BRAF: variants seen among roughly 807,000 people sequenced by gnomAD.
BRAF encodes the protein serine/threonine-protein kinase B-raf.
BRAF carries 16 observed loss-of-function variants against 104.6 expected under a neutral mutation model. The ratio of observed to expected loss-of-function variants is 0.15; its 90% CI spans 0.10 to 0.23. BRAF has a LOEUF of 0.23. BRAF is among the 10% of genes least tolerant of loss of function. BRAF has a pLI of 1.00. For missense variants in BRAF, 541 were observed against 937.3 expected, an observed-to-expected ratio of 0.58 and a Z score of 5.52; for synonymous variants, 310 against 341.6, an observed-to-expected ratio of 0.91 and a Z score of 1.02.
chr7:140,717,743 A>T (rs865883657), downstream of BRAF, among the ~76,000 whole-genome samples: 36 of 152,264 alleles, frequency 2.4e-4, 1 homozygote, highest in Middle Eastern at 0.017. Flanking sequence ...CCTCACATAT[A>T]TGGTATAGTA....
At chr7:140,895,191 A>G (rs1814740497) in intron 1 of BRAF, among the ~76,000 whole-genome samples, 1 of 152,222 alleles carries the variant, frequency 6.6e-6, no homozygotes, top group East Asian at 1.9e-4. Flanking sequence ...CAATACAATT[A>G]CTTACCTAAA....
intron 1 of BRAF, among the ~76,000 whole-genome samples, chr7:140,865,528 T>C (rs926169946): frequency 6.6e-6 from 1 of 152,224 alleles, no homozygotes; most frequent in African/African-American, 2.4e-5. Context: ...CAGGCCCATA[T>C]GATGAAAAGA....
intron 3 of BRAF, among the ~76,000 whole-genome samples, chr7:140,810,463 A>C (rs1296126276): frequency 6.6e-6 from 1 of 152,144 alleles, no homozygotes; most frequent in Non-Finnish European, 1.5e-5. Flanking sequence ...CCAGCTACTC[A>C]GGTGGCTGAG....
chr7:140,715,813 G>A (rs1392383833), downstream of BRAF, among the ~76,000 whole-genome samples: 1 of 152,178 alleles, frequency 6.6e-6, no homozygotes, highest in Non-Finnish European at 1.5e-5. Context: ...CTTACTATGG[G>A]CCAGGCACTG....
At chr7:140,865,722 C>T (rs565259613) in intron 1 of BRAF, among the ~76,000 whole-genome samples, 268 of 152,246 alleles carry the variant, frequency 1.8e-3, no homozygotes, top group Non-Finnish European at 3.1e-3. Flanking sequence ...AAGGAAAAGG[C>T]TGATGATTTA....
At chr7:140,781,285 C>G (rs1287262940) in intron 12 of BRAF, 1 of 398,010 alleles carries the variant, frequency 2.5e-6, no homozygotes, top group Non-Finnish European at 4.7e-6. Flanking sequence ...ATAAAATTAT[C>G]AGCTGAAAGA....
intron 14 of BRAF, among the ~76,000 whole-genome samples, chr7:140,768,901 A>G (rs1204243776): frequency 6.6e-6 from 1 of 151,942 alleles, no homozygotes; most frequent in African/African-American, 2.4e-5. Flanking sequence ...CTGCTTCTCC[A>G]CCATGTTACC....
intron 1 of BRAF, among the ~76,000 whole-genome samples, chr7:140,866,747 G>A (rs1237298778): frequency 1.3e-5 from 2 of 151,962 alleles, no homozygotes; most frequent in Non-Finnish European, 2.9e-5. Flanking sequence ...ATGACCTAGT[G>A]TAAGTAATGA....
At chr7:140,836,953 A>C (rs1807405786) in intron 2 of BRAF, among the ~76,000 whole-genome samples, 1 of 152,346 alleles carries the variant, frequency 6.6e-6, no homozygotes, top group South Asian at 2.1e-4. Flanking sequence ...ACAATTTTCC[A>C]AACATATTTC....
At chr7:140,735,169 A>C (rs1796303165) in intron 18 of BRAF, among the ~76,000 whole-genome samples, 1 of 152,250 alleles carries the variant, frequency 6.6e-6, no homozygotes, top group Admixed American at 6.5e-5. Context: ...AAATAAGTAA[A>C]GCACTTTATG....
intron 1 of BRAF, among the ~76,000 whole-genome samples, chr7:140,867,316 C>T (rs996979831): frequency 1.3e-5 from 2 of 152,096 alleles, no homozygotes; most frequent in African/African-American, 4.8e-5. Context: ...GTATTCTAAT[C>T]AAAAGACTGA....
At chr7:140,759,196 G>C (rs1798458570) in intron 14 of BRAF, among the ~76,000 whole-genome samples, 1 of 152,166 alleles carries the variant, frequency 6.6e-6, no homozygotes, top group Admixed American at 6.5e-5. Flanking sequence ...CTTTGTTGTT[G>C]ACTGATGGTT....
At chr7:140,907,362 C>T (rs1042487897) in intron 1 of BRAF, among the ~76,000 whole-genome samples, 1 of 151,348 alleles carries the variant, frequency 6.6e-6, no homozygotes, top group African/African-American at 2.4e-5. Flanking sequence ...CCCAGTTTCA[C>T]GCCATTCTCC....
At chr7:140,776,662 T>A (rs764477814) in intron 14 of BRAF, among the ~76,000 whole-genome samples, 2 of 152,240 alleles carry the variant, frequency 1.3e-5, no homozygotes, top group Non-Finnish European at 2.9e-5. Flanking sequence ...CTTAGCTCAA[T>A]CACTGAGTGC....
chr7:140,923,794 G>A (rs755433684), intron 1 of BRAF, among the ~76,000 whole-genome samples: 2 of 152,154 alleles, frequency 1.3e-5, no homozygotes, highest in Non-Finnish European at 2.9e-5. Context: ...CAGGGTAAGA[G>A]AAGTGCAAAA....
At chr7:140,879,181 A>G (rs1812596020) in intron 1 of BRAF, among the ~76,000 whole-genome samples, 1 of 151,704 alleles carries the variant, frequency 6.6e-6, no homozygotes, top group Non-Finnish European at 1.5e-5. Context: ...CCTGGCCATA[A>G]TTTATTTTAT....
At chr7:140,875,198 T>G (rs1812086050) in intron 1 of BRAF, among the ~76,000 whole-genome samples, 1 of 152,200 alleles carries the variant, frequency 6.6e-6, no homozygotes, top group Admixed American at 6.5e-5. Flanking sequence ...TCAGTGAACT[T>G]CTAAAAGCAA....
intron 1 of BRAF, among the ~76,000 whole-genome samples, chr7:140,889,427 T>A (rs907618846): frequency 3.9e-5 from 6 of 152,192 alleles, no homozygotes; most frequent in African/African-American, 7.2e-5. Flanking sequence ...TCATATTTTT[T>A]AAAATATTAC....
At chr7:140,765,581 A>C in intron 14 of BRAF, among the ~76,000 whole-genome samples, 1 of 152,102 alleles carries the variant, frequency 6.6e-6, no homozygotes, top group South Asian at 2.1e-4. Context: ...AGAATCTACA[A>C]AGAACTCAAA....
Sources: allele counts gnomAD v4.1 joint callset (sites outside exome capture counted in the v4.1 genomes callset), GRCh38; gene constraint gnomAD v4.1.1; transcripts MANE v1.5; gene names NCBI Gene and HGNC (gene_info 2026-07-23, HGNC 2026-07-21).